Variants in RRP36 observed in about 807,000 individuals in gnomAD.
RRP36 encodes the protein ribosomal RNA processing protein 36 homolog.
Under a neutral mutation model 39.8 loss-of-function variants are expected in RRP36, and 44 were observed. The observed-to-expected ratio is 1.10, with a 90% CI of 0.87 to 1.42. RRP36 has a LOEUF of 1.42. Ranked by LOEUF, RRP36 falls within the 40% of genes most tolerant of loss-of-function variation. The pLI is 0.00. For missense variants in RRP36, 316 were observed against 322.4 expected, an observed-to-expected ratio of 0.98 and a Z score of 0.15; for synonymous variants, 124 against 123.1, an observed-to-expected ratio of 1.01 and a Z score of -0.05.
At position 43,026,103 on chromosome 6, in the gene RRP36, TA is replaced by T; in HGVS notation, c.413del (p.Tyr138SerfsTer4). 6.2e-7 allele frequency: 1 copy of T among 1,613,892 alleles called. No homozygotes were observed. Among genetic ancestry groups the T allele is most frequent in the Non-Finnish European group, 8.5e-7 (1 of 1,179,822 alleles). On this transcript the variant is annotated frameshift_variant, in exon 4 of 7. Coordinates refer to ENST00000244496, the MANE Select transcript of RRP36 (RefSeq NM_033112.4). LOFTEE classifies it high-confidence loss of function. ...TAATCCTGAGGTGTTTGACAAAACA[TA>T]CCAATTCTTGAATGACATCCGAGCG... ...EYNPEVFDKT[Y>X]QFLNDIRAKE...
chr6:43,027,251 TG>T lies in RRP36; in HGVS notation c.525+1del, dbSNP rs1290247495. ...HEKLQQLLQRMEQQEMAQQER... is the reference protein window; with the variant it reads ...HEKLQQLLQRXEQQEMAQQER... ...AAACTGCAGCAACTGCTTCAGCGAA[TG>T]GTGAGTGGGTAATAATTGTGGTGGG... On this transcript the variant is annotated frameshift_variant and splice_region_variant, in exon 5 of 7. Transcript: ENST00000244496. LOFTEE classifies it high-confidence loss of function. 1 of 1,614,150 alleles carries T rather than the reference TG, an allele frequency of 6.2e-7. No individual in the cohort carries two copies. Among genetic ancestry groups the T allele is most frequent in the Non-Finnish European group, 8.5e-7 (1 of 1,179,988 alleles).
chr6:43,024,840 C>G, intron 1 of RRP36, 145 bp from the exon 2 acceptor site: 1 of 990,642 alleles, frequency 1.0e-6, no homozygotes. Context: ...TTAACACTAT[C>G]ACAGCCTCTG....
intron 1 of RRP36, among the ~76,000 whole-genome samples, chr6:43,024,748 T>TA (rs1229852279): frequency 6.6e-6 from 1 of 152,166 alleles, no homozygotes; most frequent in African/African-American, 2.4e-5. Context: ...AAGAAGGGAC[T>TA]ATGGTTTGGT....
In RRP36 at chr6:43,029,514, C is replaced by A; in HGVS notation, c.*286C>A. 1 of 306,370 alleles carries A rather than the reference C, an allele frequency of 3.3e-6. No homozygotes were observed. 19.0% of individuals were successfully genotyped at this position (306,370 alleles called of 1,614,324 possible). ...GGATTCTGATACCGAAGAAGAGGGGCCAATGAAAACCATGGAGTCTGTTCG... is the reference window on the plus strand; with the variant it reads ...GGATTCTGATACCGAAGAAGAGGGGACAATGAAAACCATGGAGTCTGTTCG... On this transcript the variant is annotated 3_prime_UTR_variant, in exon 7 of 7. Transcript: ENST00000244496.
chr6:43,024,131 G>A (rs1196521757), intron 1 of RRP36, among the ~76,000 whole-genome samples: 1 of 152,164 alleles, frequency 6.6e-6, no homozygotes, highest in Non-Finnish European at 1.5e-5. Flanking sequence ...TGGGATTACA[G>A]GCGTGAGCCA....
intron 3 of RRP36, 40 bp downstream of exon 3, chr6:43,025,369 T>C (rs1394251117): frequency 1.3e-6 from 2 of 1,597,060 alleles, no homozygotes; most frequent in Non-Finnish European, 1.7e-6. Flanking sequence ...ACGCCTGTAA[T>C]CCCAGCACTT....
chr6:43,021,721 C>T lies in RRP36; in HGVS notation c.67C>T (p.Arg23Trp), dbSNP rs1446052199. The change falls in exon 1 of 7, where the codon CGG (arginine) becomes TGG (tryptophan). Residue 23 changes from arginine (R) to tryptophan (W), a missense_variant. Transcript: ENST00000244496. ...GAGARRPRGA[R>W]DREEDGGGLE... ...CGGGGCCCGACGTCCCCGCGGGGCCCGGGACCGCGAGGAGGACGGCGGGGG... is the reference window on the plus strand; with the variant it reads ...CGGGGCCCGACGTCCCCGCGGGGCCTGGGACCGCGAGGAGGACGGCGGGGG... 11 of 1,120,092 alleles carry T rather than the reference C, an allele frequency of 9.8e-6. No homozygotes were observed. Among genetic ancestry groups the T allele is most frequent in the Non-Finnish European group, 1.2e-5 (11 of 916,050 alleles). The allele number at this position is 1,120,092 out of a possible 1,614,324, so 69.4% of individuals were successfully genotyped here. A position where few individuals can be genotyped will look rare whatever the true frequency, so the allele number is the denominator to read the frequency against.
At chr6:43,027,072 AT>A in intron 4 of RRP36, 105 bp from the exon 5 acceptor site, 5 of 949,230 alleles carry the variant, frequency 5.3e-6, no homozygotes, top group Non-Finnish European at 8.1e-6. Context: ...TCAAAAAAAA[AT>A]GTGTGTGTGT....
intron 6 of RRP36, among the ~76,000 whole-genome samples, chr6:43,027,900 T>C (rs1373161209): frequency 5.1e-5 from 7 of 137,938 alleles, no homozygotes; most frequent in Admixed American, 4.8e-4. Context: ...TTTTATCTCT[T>C]GGTCTACACA....
chr6:43,025,410 T>C, intron 3 of RRP36, 81 bp downstream of exon 3: 1 of 1,271,728 alleles, frequency 7.9e-7, no homozygotes, highest in African/African-American at 1.5e-5. Context: ...TCACCTGAGA[T>C]CAGGAGTTCC....
At chr6:43,022,346 C>T (rs1305831148) in intron 1 of RRP36, among the ~76,000 whole-genome samples, 1 of 152,064 alleles carries the variant, frequency 6.6e-6, no homozygotes, top group East Asian at 1.9e-4. Flanking sequence ...GATCCGCCCG[C>T]CTCAGCCTCC....
chr6:43,022,003 G>A (rs922886092), intron 1 of RRP36, among the ~76,000 whole-genome samples: 5 of 152,226 alleles, frequency 3.3e-5, no homozygotes, highest in African/African-American at 1.2e-4. Context: ...AGGGTTTTCG[G>A]CGATGGGGAA....
At chr6:43,027,629 G>A (rs887236078) in intron 6 of RRP36, 152 bp downstream of exon 6, 3 of 668,460 alleles carry the variant, frequency 4.5e-6, no homozygotes, top group Admixed American at 2.6e-5. Flanking sequence ...GTAGGGAGTT[G>A]TTTGTAACCA....
chr6:43,027,921 C>T lies in RRP36; in HGVS notation c.643+444C>T, dbSNP rs931135165. On this transcript the variant is annotated intron_variant, in intron 6 of 6. Transcript: ENST00000244496. ...CTCTTGGTCTACACACACACACACA[C>T]AATCAGTTTTGTTTCTTGGTCTACA... is the stretch of plus-strand genomic sequence containing the variant. 3.9e-5 allele frequency among the ~76,000 whole-genome samples: 6 copies of T among 151,974 alleles called. No homozygotes were observed. In the East Asian group the frequency reaches 7.7e-4, roughly 19 times the overall value.
At position 43,029,092 on chromosome 6, in the gene RRP36, C is replaced by G; in HGVS notation, c.644C>G (p.Ser215Cys). 6.2e-7 allele frequency: 1 copy of G among 1,614,014 alleles called. No individual in the cohort carries two copies. Among genetic ancestry groups the G allele is most frequent in the East Asian group, 2.2e-5 (1 of 44,886 alleles). The change falls in exon 7 of 7, where the codon TCT (serine) becomes TGT (cysteine). Residue 215 changes from serine (S) to cysteine (C), a missense_variant and splice_region_variant. By Grantham distance (112) the Ser-to-Cys change is moderately radical (BLOSUM62 -1). Coordinates refer to ENST00000244496, the MANE Select transcript of RRP36 (RefSeq NM_033112.4). ...QGHRPYFLKKSEQRQLALAEK... is the reference protein window; with the variant it reads ...QGHRPYFLKKCEQRQLALAEK... ...AACTTTCATTCTCCCTGTCATTTAG[C>G]TGAGCAGCGCCAGTTGGCACTAGCT...
chr6:43,021,946 T>C (rs911231764), intron 1 of RRP36, among the ~76,000 whole-genome samples, 162 bp downstream of exon 1: 1 of 152,028 alleles, frequency 6.6e-6, no homozygotes, highest in African/African-American at 2.4e-5. Context: ...TGAGAGTAGA[T>C]GCTTCCGGGA....
intron 6 of RRP36, 130 bp from the exon 7 acceptor site, chr6:43,028,962 A>T: frequency 1.6e-6 from 2 of 1,238,460 alleles, no homozygotes; most frequent in Admixed American, 2.2e-5. Context: ...CAGAAAAAAG[A>T]TAGAGGGGCA....
intron 1 of RRP36, among the ~76,000 whole-genome samples, chr6:43,022,111 A>AT (rs904940776): frequency 1.1e-3 from 165 of 147,554 alleles, no homozygotes; most frequent in South Asian, 1.7e-3. Context: ...TGTTTTTTTA[A>AT]TTTTTTTTTT....
Position 43,026,066 on chromosome 6 carries a change from G to A in RRP36, c.375G>A (p.Leu125=), listed in dbSNP as rs903256098. The part of the protein sequence containing the change: ...KVARDPRFDD[L]SGEYNPEVFD... ...CCCGGGACCCTCGCTTTGATGATCTGTCAGGGGAATATAATCCTGAGGTGT... is the reference window on the plus strand; with the variant it reads ...CCCGGGACCCTCGCTTTGATGATCTATCAGGGGAATATAATCCTGAGGTGT... Residue 125 remains leucine, a synonymous_variant, in exon 4 of 7, where the codon CTG becomes CTA. Coordinates refer to ENST00000244496, the MANE Select transcript of RRP36 (RefSeq NM_033112.4). The A allele has an allele frequency of 1.9e-6, 3 of 1,613,844 alleles. No individual in the cohort carries two copies. The Admixed American group carries it at 5.0e-5, about 27-fold the overall frequency.
Sources: allele counts gnomAD v4.1 joint callset (sites outside exome capture counted in the v4.1 genomes callset), GRCh38; gene constraint gnomAD v4.1.1; transcripts MANE v1.5; gene names NCBI Gene and HGNC (gene_info 2026-07-23, HGNC 2026-07-21).